Variants in TSGA10 observed in about 807,000 individuals in gnomAD.
The protein encoded by TSGA10 is testis-specific gene 10 protein.
A neutral mutation model predicts 96.6 loss-of-function variants in TSGA10; 43 were observed. The observed-to-expected ratio is 0.44, with a 90% CI of 0.35 to 0.57. The LOEUF (loss-of-function observed/expected upper bound fraction) is 0.57, where lower values mean the gene tolerates loss of function less well. Among genes scored for constraint, TSGA10 ranks in the 20% least tolerant of loss-of-function variants. The probability of loss-of-function intolerance (pLI) is 0.01; values close to 1 mark genes in which losing one functional copy is unlikely to be tolerated. For missense variants in TSGA10, 703 were observed against 834.4 expected (o/e 0.84, Z 1.94); for synonymous variants, 229 against 269.9 (o/e 0.85, Z 1.48).
At chr2:99,036,298 ACT>A in intron 16 of TSGA10, among the ~76,000 whole-genome samples, 1 of 151,380 alleles carries the variant, frequency 6.6e-6, no homozygotes, top group East Asian at 1.9e-4. Context: ...TTCCTCACTC[ACT>A]CTTTCTTATT....
At chr2:99,046,188 C>G (rs564581408) in intron 16 of TSGA10, among the ~76,000 whole-genome samples, 1 of 152,102 alleles carries the variant, frequency 6.6e-6, no homozygotes, top group South Asian at 2.1e-4. Context: ...AACAAGGATA[C>G]CCAGGAATTG....
At chr2:99,147,739 C>T (rs1158083953) in intron 1 of TSGA10, among the ~76,000 whole-genome samples, 2 of 152,084 alleles carry the variant, frequency 1.3e-5, no homozygotes, top group Admixed American at 6.5e-5. Flanking sequence ...TTAAGCTTTA[C>T]CTCCTAGATT....
At chr2:99,078,374 T>C (rs561498934) in intron 12 of TSGA10, among the ~76,000 whole-genome samples, 36 of 152,186 alleles carry the variant, frequency 2.4e-4, no homozygotes, top group African/African-American at 7.9e-4. Flanking sequence ...CACTACTTTA[T>C]TGTCATGCTT....
chr2:99,084,530 G>A (rs948284603), intron 10 of TSGA10, among the ~76,000 whole-genome samples: 2 of 151,988 alleles, frequency 1.3e-5, no homozygotes, highest in Non-Finnish European at 2.9e-5. Context: ...GCCCTCACCA[G>A]AAGCAAATGC....
At chr2:99,088,104 T>C (rs1273911323) in intron 10 of TSGA10, among the ~76,000 whole-genome samples, 2 of 152,216 alleles carry the variant, frequency 1.3e-5, no homozygotes, top group African/African-American at 4.8e-5. Flanking sequence ...ATTAATTCAG[T>C]GACTATTTTC....
intron 20 of TSGA10, among the ~76,000 whole-genome samples, chr2:99,012,203 T>C (rs2079061639): frequency 6.6e-6 from 1 of 151,924 alleles, no homozygotes; most frequent in Non-Finnish European, 1.5e-5. Flanking sequence ...TCAAAATACA[T>C]CAAAATAGAA....
intron 16 of TSGA10, among the ~76,000 whole-genome samples, chr2:99,057,858 A>G (rs2084181781): frequency 6.6e-6 from 1 of 152,228 alleles, no homozygotes; most frequent in Non-Finnish European, 1.5e-5. Context: ...ACTACAAAGC[A>G]ATAGTAATTA....
intron 4 of TSGA10, 64 bp downstream of exon 4, chr2:99,117,480 G>A: frequency 1.3e-6 from 1 of 764,974 alleles, no homozygotes; most frequent in Non-Finnish European, 1.6e-6. Flanking sequence ...TTTTTCCATT[G>A]CATTTAAAAA....
intron 10 of TSGA10, among the ~76,000 whole-genome samples, chr2:99,094,516 A>C (rs1339492150): frequency 6.6e-6 from 1 of 152,148 alleles, no homozygotes; most frequent in Non-Finnish European, 1.5e-5. Flanking sequence ...CAAAGGACTA[A>C]TATCCAGAAT....
At chr2:99,114,571 C>G (rs1205045106) in intron 4 of TSGA10, among the ~76,000 whole-genome samples, 2 of 152,122 alleles carry the variant, frequency 1.3e-5, no homozygotes, top group African/African-American at 2.4e-5. Flanking sequence ...TCAAATACAC[C>G]CAACATTCCA....
chr2:99,047,035 T>TAG (rs2082852104), intron 16 of TSGA10, among the ~76,000 whole-genome samples: 7 of 152,128 alleles, frequency 4.6e-5, no homozygotes, highest in Non-Finnish European at 1.0e-4. Context: ...AGAAGTTGAA[T>TAG]CCCTGAATAG....
At chr2:99,125,768 A>T (rs1452691953) in intron 2 of TSGA10, 1 of 152,196 alleles carries the variant, frequency 6.6e-6, no homozygotes, top group East Asian at 1.9e-4. Flanking sequence ...GTGTTCCTAG[A>T]TACTGCTAGG....
At chr2:99,122,805 A>G (rs1455128735) in intron 2 of TSGA10, among the ~76,000 whole-genome samples, 1 of 151,444 alleles carries the variant, frequency 6.6e-6, no homozygotes, top group Non-Finnish European at 1.5e-5. Context: ...AAAAAAAAAG[A>G]AAGAAAGAAA....
chr2:98,997,928 G>A lies in TSGA10; in HGVS notation c.*269C>T. On this transcript the variant is annotated 3_prime_UTR_variant, in exon 21 of 21. Transcript: ENST00000393483. ...AGCTTCTTTATTTACTCCAGATAGT[G>A]AACAGAATAGTGTTCAATAGTGAAG... 2.9e-6 allele frequency: 1 copy of A among 340,746 alleles called. No individual in the cohort carries two copies. The highest frequency in any genetic ancestry group is 1.5e-4 in the South Asian group (1 of 6,708). 21.1% of individuals were successfully genotyped at this position (340,746 alleles called of 1,614,324 possible). A position where few individuals can be genotyped will look rare whatever the true frequency, so the allele number is the denominator to read the frequency against.
At chr2:99,094,471 C>G (rs2089777568) in intron 10 of TSGA10, among the ~76,000 whole-genome samples, 1 of 151,992 alleles carries the variant, frequency 6.6e-6, no homozygotes, top group African/African-American at 2.4e-5. Context: ...AAAACACAAA[C>G]AGTGGGAGAA....
At chr2:99,096,925 T>C (rs973123045) in intron 10 of TSGA10, among the ~76,000 whole-genome samples, 1 of 152,212 alleles carries the variant, frequency 6.6e-6, no homozygotes, top group Non-Finnish European at 1.5e-5. Context: ...GAAACTGTGT[T>C]GGTAGAGAAC....
At chr2:99,108,061 G>C (rs1206124588) in intron 7 of TSGA10, among the ~76,000 whole-genome samples, 1 of 151,814 alleles carries the variant, frequency 6.6e-6, no homozygotes, top group Non-Finnish European at 1.5e-5. Context: ...CATTTTTCAG[G>C]GCTCACACTT....
chr2:99,100,014 A>T (rs985993405), intron 10 of TSGA10, among the ~76,000 whole-genome samples: 1 of 152,218 alleles, frequency 6.6e-6, no homozygotes, highest in Non-Finnish European at 1.5e-5. Context: ...AATAGGAAAC[A>T]TTATAGAGCA....
In TSGA10 at chr2:99,035,338, C is replaced by T. The variant is rs371254172; in HGVS notation, c.1506G>A (p.Val502=). Residue 502 remains valine, a synonymous_variant, in exon 17 of 21, where the codon GTG becomes GTA. Coordinates refer to ENST00000393483, the MANE Select transcript of TSGA10 (RefSeq NM_025244.4). ...TAGAAGACAAATCTGCAAGAGCGGA[C>T]ACTTTTTCAAACTGAACCTTCTGAA... ...EELQKVQFEK[V]SALADLSSTR... is the part of the protein sequence containing the mutation. 184 of 1,613,358 alleles carry T rather than the reference C, an allele frequency of 1.1e-4. 3 individuals carry two copies. In the South Asian group the frequency reaches 1.9e-3, roughly 17 times the overall value.
Sources: gnomAD v4.1 joint callset for allele counts (sites outside exome capture counted in the v4.1 genomes callset) on GRCh38, gnomAD v4.1.1 for gene constraint, MANE v1.5 for transcripts, NCBI Gene and HGNC (gene_info 2026-07-23, HGNC 2026-07-21) for gene names.